Variants in RAD52 observed in about 807,000 individuals in gnomAD.
RAD52 encodes RAD52 DNA repair protein.
RAD52 carries 47 observed loss-of-function variants against 55.5 expected under a neutral mutation model. The ratio of observed to expected loss-of-function variants is 0.85; its 90% CI spans 0.67 to 1.08. The LOEUF (loss-of-function observed/expected upper bound fraction) is 1.08, where lower values mean the gene tolerates loss of function less well. Ranked by LOEUF, RAD52 falls within the 50% of genes least tolerant of loss-of-function variation. RAD52 has a pLI of 0.00. For synonymous variants in RAD52, 184 were observed against 198.9 expected, an observed-to-expected ratio of 0.92 and a Z score of 0.63; for missense variants, 468 against 522.8, an observed-to-expected ratio of 0.90 and a Z score of 1.02.
chr12:990,903 C>G (rs923933695), upstream of RAD52: 2 of 152,090 alleles, frequency 1.3e-5, no homozygotes, highest in African/African-American at 2.4e-5. Flanking sequence ...CGGAGCCGAC[C>G]CCGGCTCTCC....
intron 5 of RAD52, among the ~76,000 whole-genome samples, chr12:928,517 CAA>C (rs1217187888): frequency 1.7e-5 from 2 of 115,574 alleles, no homozygotes; most frequent in African/African-American, 3.2e-5. Flanking sequence ...AACTCCATCT[CAA>C]AAAAAAAAAA....
chr12:943,288 A>G (rs371280684), intron 1 of RAD52, among the ~76,000 whole-genome samples: 18 of 152,330 alleles, frequency 1.2e-4, no homozygotes, highest in African/African-American at 4.3e-4. Flanking sequence ...GCCGACTCCA[A>G]GGACGGAGCC....
At chr12:981,926 G>A (rs909150711) in intron 1 of RAD52, among the ~76,000 whole-genome samples, 14 of 152,182 alleles carry the variant, frequency 9.2e-5, no homozygotes, top group African/African-American at 3.4e-4. Context: ...CACGGGGGAG[G>A]CAGCATCACC....
intron 7 of RAD52, among the ~76,000 whole-genome samples, chr12:923,455 C>T (rs902298609): frequency 2.0e-5 from 3 of 151,904 alleles, no homozygotes; most frequent in Non-Finnish European, 2.9e-5. Flanking sequence ...GAGGCTGAGG[C>T]AGGAGGATCC....
chr12:962,288 C>T lies in RAD52; in HGVS notation c.-19+27521G>A, dbSNP rs79239286. Among the ~76,000 whole-genome samples, 210 of 151,652 alleles carry T rather than the reference C, an allele frequency of 1.4e-3. 1 individual carries two copies. The highest frequency in any genetic ancestry group is 2.5e-3 in the Non-Finnish European group (173 of 67,952). On this transcript the variant is annotated intron_variant, in intron 1 of 11. Coordinates refer to the RAD52 transcript ENST00000430095. The stretch of plus-strand genomic sequence containing the variant: ...AGTTTCCTGGAAGCATGAGTAGAAT[C>T]GAGAGAATGCACAATGAGGAGTTAG...
chr12:946,582 A>G (rs997004079), intron 1 of RAD52, among the ~76,000 whole-genome samples: 2 of 152,244 alleles, frequency 1.3e-5, no homozygotes, highest in Admixed American at 6.5e-5. Flanking sequence ...TCTTTTCTCT[A>G]TAAGATATAT....
intron 1 of RAD52, among the ~76,000 whole-genome samples, chr12:934,379 C>T (rs1376330305): frequency 6.6e-6 from 1 of 150,784 alleles, no homozygotes; most frequent in Admixed American, 6.7e-5. Flanking sequence ...AGGAGAATCG[C>T]TTGAACCTGG....
chr12:917,941 A>G (rs1050217182), intron 7 of RAD52, among the ~76,000 whole-genome samples: 5 of 152,132 alleles, frequency 3.3e-5, no homozygotes, highest in African/African-American at 7.2e-5. Flanking sequence ...CTGTGTCTCA[A>G]AAAAAAGAAA....
chr12:946,671 CA>C lies in RAD52; in HGVS notation c.-19+2930del, dbSNP rs370057461. Among the ~76,000 whole-genome samples, 106 of 152,182 alleles carry C rather than the reference CA, an allele frequency of 7.0e-4. No homozygotes were observed. The East Asian group carries it at 0.016, about 23-fold the overall frequency. ...ATAAACAGCAAAATCACCAAAAGCA[CA>C]AAAATACAAAAAAACATGGCACTAC... On this transcript the variant is annotated intron_variant, in intron 1 of 11. Coordinates refer to ENST00000358495, the MANE Select transcript of RAD52 (RefSeq NM_134424.4).
intron 1 of RAD52, among the ~76,000 whole-genome samples, chr12:961,475 T>A (rs1958685202): frequency 6.6e-6 from 1 of 151,928 alleles, no homozygotes; most frequent in South Asian, 2.1e-4. Context: ...GAAGCCATAA[T>A]TAAGTTGAAA....
At chr12:969,128 T>A (rs566713897) in intron 1 of RAD52, among the ~76,000 whole-genome samples, 3 of 152,062 alleles carry the variant, frequency 2.0e-5, no homozygotes, top group Non-Finnish European at 4.4e-5. Flanking sequence ...CTAGAGGTGA[T>A]TTAAAGTATA....
chr12:914,301 C>A, intron 10 of RAD52, 130 bp downstream of exon 10: 1 of 1,385,496 alleles, frequency 7.2e-7, no homozygotes, highest in Non-Finnish European at 9.7e-7. Context: ...AGGAACTGGA[C>A]ATATGCTATC....
At chr12:926,084 G>T (rs11571451) in intron 6 of RAD52, among the ~76,000 whole-genome samples, 150 of 152,266 alleles carry the variant, frequency 9.9e-4, no homozygotes, top group African/African-American at 3.5e-3. Flanking sequence ...CAATGCCGGG[G>T]GGTGCGGCCT....
At chr12:973,215 G>A (rs1193103752) in intron 1 of RAD52, among the ~76,000 whole-genome samples, 5 of 149,610 alleles carry the variant, frequency 3.3e-5, no homozygotes, top group African/African-American at 4.9e-5. Context: ...GACTACAGGC[G>A]CCCGCCACCA....
At chr12:925,781 G>A (rs112912241) in intron 6 of RAD52, among the ~76,000 whole-genome samples, 3 of 152,170 alleles carry the variant, frequency 2.0e-5, no homozygotes, top group African/African-American at 4.8e-5. Flanking sequence ...AGATTACGGC[G>A]CCATTCACAA....
intron 1 of RAD52, among the ~76,000 whole-genome samples, chr12:961,309 C>CAAAAAAAACA (rs1958680804): frequency 3.0e-5 from 1 of 33,810 alleles, no homozygotes; most frequent in Non-Finnish European, 5.7e-5. Flanking sequence ...GACTCCATCT[C>CAAAAAAAACA]AAAAAAAAAA....
At chr12:973,354 C>A (rs1308480184) in intron 1 of RAD52, among the ~76,000 whole-genome samples, 2 of 152,122 alleles carry the variant, frequency 1.3e-5, no homozygotes, top group Non-Finnish European at 2.9e-5. Flanking sequence ...CAGGTGTGAG[C>A]CACCACACCT....
chr12:940,952 T>G (rs1957888793), intron 1 of RAD52, among the ~76,000 whole-genome samples: 1 of 152,120 alleles, frequency 6.6e-6, no homozygotes, highest in African/African-American at 2.4e-5. Flanking sequence ...GAAATTGAAC[T>G]CACATACAGA....
chr12:928,601 T>C (rs1187317215), intron 5 of RAD52, among the ~76,000 whole-genome samples: 1 of 152,048 alleles, frequency 6.6e-6, no homozygotes, highest in African/African-American at 2.4e-5. Flanking sequence ...GCACCATCCA[T>C]CTCATTAAGA....
Sources: gnomAD v4.1 joint callset for allele counts (sites outside exome capture counted in the v4.1 genomes callset) on GRCh38, gnomAD v4.1.1 for gene constraint, MANE v1.5 for transcripts, NCBI Gene and HGNC (gene_info 2026-07-23, HGNC 2026-07-21) for gene names.